The following NEK11 variants were observed in gnomAD, a reference collection of about 807,000 sequenced individuals.
NEK11 encodes NIMA related kinase 11, also known as serine/threonine-protein kinase Nek11.
Under a neutral mutation model 80.7 loss-of-function variants are expected in NEK11, and 72 were observed. That is an observed-to-expected ratio of 0.89 (90% CI 0.74 to 1.08). The LOEUF (loss-of-function observed/expected upper bound fraction) is 1.08. Ranked by LOEUF, NEK11 falls within the 50% of genes least tolerant of loss-of-function variation. The pLI, the probability that NEK11 is intolerant of heterozygous loss-of-function variation, is 0.00. For synonymous variants in NEK11, 251 were observed against 260.7 expected, an observed-to-expected ratio of 0.96 and a Z score of 0.36; for missense variants, 764 against 763.6, an observed-to-expected ratio of 1.00 and a Z score of -0.01.
chr3:131,097,936 A>G (rs2077708460), intron 4 of NEK11, among the ~76,000 whole-genome samples: 1 of 145,958 alleles, frequency 6.9e-6, no homozygotes, highest in Non-Finnish European at 1.5e-5. Flanking sequence ...CCAAAACAGC[A>G]TGGTACTGGT....
rs1268811956 is a variant in NEK11 at position 131,071,287 on chromosome 3, A to G, written c.171-9136A>G. The stretch of plus-strand genomic sequence containing the variant: ...TTTTATCTCCTATCACTAGAGAACT[A>G]TAGAAAAAGGTATATTTATTACTGT... On this transcript the variant is annotated intron_variant, in intron 3 of 17. Coordinates refer to ENST00000383366, the MANE Select transcript of NEK11 (RefSeq NM_024800.5). Among the ~76,000 whole-genome samples the G allele has an allele frequency of 2.6e-5, 4 of 152,166 alleles. No individual in the cohort carries two copies. The East Asian group carries it at 7.7e-4, about 29-fold the overall frequency.
chr3:131,332,757 C>T (rs1022734036), intron 17 of NEK11, among the ~76,000 whole-genome samples: 1 of 152,072 alleles, frequency 6.6e-6, no homozygotes, highest in Non-Finnish European at 1.5e-5. Context: ...ATAACCAATA[C>T]AGAGAAGTGC....
intron 16 of NEK11, among the ~76,000 whole-genome samples, chr3:131,265,879 C>T (rs1581123335): frequency 6.6e-6 from 1 of 152,268 alleles, no homozygotes; most frequent in South Asian, 2.1e-4. Context: ...TTAATTACTG[C>T]CCCAATTTCA....
At chr3:131,240,793 G>A (rs1054056982) in intron 15 of NEK11, among the ~76,000 whole-genome samples, 5 of 152,052 alleles carry the variant, frequency 3.3e-5, no homozygotes, top group Admixed American at 6.6e-5. Context: ...TGAATCTTTC[G>A]TTATGACTAG....
intron 14 of NEK11, among the ~76,000 whole-genome samples, chr3:131,207,605 C>T (rs2094481732): frequency 6.6e-6 from 1 of 151,924 alleles, no homozygotes; most frequent in Non-Finnish European, 1.5e-5. Context: ...GTTCCTATTT[C>T]TCCACATCCT....
At chr3:131,140,461 C>G (rs543840347) in intron 7 of NEK11, among the ~76,000 whole-genome samples, 1 of 152,268 alleles carries the variant, frequency 6.6e-6, no homozygotes, top group East Asian at 1.9e-4. Flanking sequence ...CTGTGGGGAG[C>G]AGGTTCAAGG....
chr3:131,118,818 A>T (rs912234952), intron 5 of NEK11, among the ~76,000 whole-genome samples: 3 of 151,960 alleles, frequency 2.0e-5, no homozygotes, highest in African/African-American at 4.8e-5. Flanking sequence ...CGGTGGTGAT[A>T]TCCCCTTTAT....
In NEK11 at chr3:131,321,518, A is replaced by T. The variant is rs563841968; in HGVS notation, c.1719-28039A>T. Among the ~76,000 whole-genome samples the T allele has an allele frequency of 1.4e-3, 203 of 149,236 alleles. 2 individuals carry two copies. In the East Asian group the frequency reaches 0.014, roughly 10 times the overall value. ...CTGACAAGTGGAACCTAATTAAATG[A>T]AAAAGCTTCTGCACAGCCAAAGAAA... On this transcript the variant is annotated intron_variant, in intron 17 of 17. Coordinates refer to ENST00000383366, the MANE Select transcript of NEK11 (RefSeq NM_024800.5).
chr3:131,211,930 G>T (rs186588160), intron 14 of NEK11, among the ~76,000 whole-genome samples: 3 of 152,106 alleles, frequency 2.0e-5, no homozygotes, highest in South Asian at 4.1e-4. Context: ...GCTTGGAGAA[G>T]TTTCTTATTA....
intron 15 of NEK11, among the ~76,000 whole-genome samples, chr3:131,240,682 AACATT>A (rs1388530625): frequency 1.3e-5 from 2 of 152,170 alleles, no homozygotes; most frequent in Non-Finnish European, 2.9e-5. Flanking sequence ...TAAAAACATA[AACATT>A]TTCTTATATC....
chr3:131,217,380 G>A (rs2094877223), intron 14 of NEK11, among the ~76,000 whole-genome samples: 1 of 151,994 alleles, frequency 6.6e-6, no homozygotes, highest in African/African-American at 2.4e-5. Flanking sequence ...TTTTAGGAGT[G>A]GTTTTTATCT....
intron 5 of NEK11, among the ~76,000 whole-genome samples, chr3:131,122,157 T>C (rs1182104952): frequency 6.6e-6 from 1 of 152,202 alleles, no homozygotes; most frequent in Non-Finnish European, 1.5e-5. Context: ...TGTTAAGAAC[T>C]CATTTTTAAT....
chr3:131,124,285 A>G (rs1425672285), intron 5 of NEK11, among the ~76,000 whole-genome samples: 1 of 152,190 alleles, frequency 6.6e-6, no homozygotes, highest in African/African-American at 2.4e-5. Context: ...ATATTTTTCC[A>G]CTGCAGTGCT....
rs1159118917 is a variant in NEK11, at chr3:131,294,808, C to A, written c.1718+21234C>A. Among the ~76,000 whole-genome samples the A allele has an allele frequency of 2.0e-5, 3 of 152,014 alleles. No individual in the cohort carries two copies. In the East Asian group the frequency reaches 5.8e-4, roughly 29 times the overall value. On this transcript the variant is annotated intron_variant, in intron 17 of 17. Coordinates refer to ENST00000383366, the MANE Select transcript of NEK11 (RefSeq NM_024800.5). ...TTGTTTTGACTTCTTAGAGAATTGA[C>A]CCCTTTATTACTATGTAATGCCTTT...
rs368169617 is a variant in NEK11 at position 131,043,927 on chromosome 3, C to T, written c.170+14049C>T. On this transcript the variant is annotated intron_variant, in intron 3 of 17. Transcript: ENST00000383366. ...TAACAACAGACCTCTCTGCAGAAACCCTACATGCCAGAAGAGAGTGGGGGC... is the reference window on the plus strand; with the variant it reads ...TAACAACAGACCTCTCTGCAGAAACTCTACATGCCAGAAGAGAGTGGGGGC... Among the ~76,000 whole-genome samples, 38 of 152,268 alleles carry T rather than the reference C, an allele frequency of 2.5e-4. 1 individual carries two copies. In the East Asian group the frequency reaches 3.7e-3, roughly 15 times the overall value.
chr3:131,113,102 G>A (rs1231407375), intron 5 of NEK11, among the ~76,000 whole-genome samples: 1 of 152,156 alleles, frequency 6.6e-6, no homozygotes, highest in East Asian at 1.9e-4. Flanking sequence ...AGATGAGAAT[G>A]AACTCAGTAA....
At chr3:131,139,546 T>C (rs1442215369) in intron 7 of NEK11, among the ~76,000 whole-genome samples, 1 of 152,124 alleles carries the variant, frequency 6.6e-6, no homozygotes, top group Non-Finnish European at 1.5e-5. Flanking sequence ...AAGAAGGTTA[T>C]AGAAGACCAA....
chr3:131,132,671 C>A (rs1051998340), intron 5 of NEK11, 74 bp from the exon 6 acceptor site: 2 of 748,066 alleles, frequency 2.7e-6, no homozygotes, highest in Non-Finnish European at 4.5e-6. Flanking sequence ...TGTGCAACAA[C>A]ATATATTATT....
chr3:131,080,726 C>A, intron 4 of NEK11, 138 bp downstream of exon 4: 1 of 707,778 alleles, frequency 1.4e-6, no homozygotes, highest in Non-Finnish European at 2.2e-6. Context: ...TGTCTTGCAG[C>A]TAAGAATGAT....
Sources: gnomAD v4.1 joint callset for allele counts (sites outside exome capture counted in the v4.1 genomes callset) on GRCh38, gnomAD v4.1.1 for gene constraint, MANE v1.5 for transcripts, NCBI Gene and HGNC (gene_info 2026-07-23, HGNC 2026-07-21) for gene names.